The following TCP11L2 variants were observed in gnomAD, a reference collection of about 807,000 sequenced individuals.
TCP11L2 encodes the protein T-complex protein 11-like protein 2.
A neutral mutation model predicts 50.7 loss-of-function variants in TCP11L2; 39 were observed. The ratio of observed to expected loss-of-function variants is 0.77; its 90% CI spans 0.60 to 1.01. TCP11L2 has a LOEUF of 1.01. TCP11L2 is among the 50% of genes least tolerant of loss of function. The pLI is 0.00. For synonymous variants in TCP11L2, 192 were observed against 219.3 expected (o/e 0.88, Z 1.10); for missense variants, 612 against 614.7 (o/e 1.00, Z 0.05).
At chr12:106,329,866 C>CA in intron 6 of TCP11L2, 1 of 985,650 alleles carries the variant, frequency 1.0e-6, no homozygotes, top group Non-Finnish European at 1.2e-6. Context: ...ACTAGCAAAC[C>CA]AAAAACAACA....
rs2036060427 is a variant in TCP11L2 at position 106,340,460 on chromosome 12, A to T, written c.1143-366A>T. Among the ~76,000 whole-genome samples, 3 of 152,314 alleles carry T rather than the reference A, an allele frequency of 2.0e-5. No individual in the cohort carries two copies. In the South Asian group the frequency reaches 6.2e-4, roughly 32 times the overall value. ...ACTTCATTTATCAAGTGCATTTTTT[A>T]AAATGTGTGAATGAATCCACTCAGA... is the stretch of plus-strand genomic sequence containing the variant. On this transcript the variant is annotated intron_variant, in intron 8 of 9. Coordinates refer to ENST00000299045, the MANE Select transcript of TCP11L2 (RefSeq NM_152772.3).
intron 3 of TCP11L2, among the ~76,000 whole-genome samples, 180 bp downstream of exon 3, chr12:106,314,673 A>G (rs2035012142): frequency 6.6e-6 from 1 of 151,730 alleles, no homozygotes; most frequent in Non-Finnish European, 1.5e-5. Flanking sequence ...AGGGGTAAAC[A>G]TTTAGTTCTC....
chr12:106,309,492 T>G (rs1183361694), intron 1 of TCP11L2, among the ~76,000 whole-genome samples: 1 of 151,972 alleles, frequency 6.6e-6, no homozygotes, highest in African/African-American at 2.4e-5. Context: ...GACGGTTGTT[T>G]AGGTGAGGCA....
At chr12:106,315,057 A>G (rs932458162) in intron 3 of TCP11L2, among the ~76,000 whole-genome samples, 27 of 151,212 alleles carry the variant, frequency 1.8e-4, no homozygotes, top group African/African-American at 5.8e-4. Context: ...CAACGTGGTG[A>G]AACCTCACCT....
In TCP11L2 at chr12:106,317,029, C is replaced by T. The variant is rs547696027; in HGVS notation, c.294-1315C>T. 2.0e-4 allele frequency among the ~76,000 whole-genome samples: 30 copies of T among 152,304 alleles called. No individual in the cohort carries two copies. The South Asian group carries it at 5.2e-3, about 26-fold the overall frequency. On this transcript the variant is annotated intron_variant, in intron 3 of 9. Coordinates refer to ENST00000299045, the MANE Select transcript of TCP11L2 (RefSeq NM_152772.3). ...TTGCTGAGACCATACCTGAACCTCA[C>T]ACTTCCCAAGAATAAGAAGGGGGCT... is the stretch of plus-strand genomic sequence containing the variant.
upstream of TCP11L2, among the ~76,000 whole-genome samples, chr12:106,299,278 CG>C (rs1338210258): frequency 6.6e-6 from 1 of 152,030 alleles, no homozygotes; most frequent in Non-Finnish European, 1.5e-5. Flanking sequence ...AAGTTTTTGT[CG>C]TTTTTTGTTT....
At chr12:106,317,559 A>G (rs138800214) in intron 3 of TCP11L2, among the ~76,000 whole-genome samples, 125 of 152,284 alleles carry the variant, frequency 8.2e-4, no homozygotes, top group South Asian at 2.3e-3. Context: ...TTCATTCACC[A>G]TGCATGCATT....
intron 3 of TCP11L2, 41 bp from the exon 4 acceptor site, chr12:106,318,303 G>A: frequency 6.3e-7 from 1 of 1,599,820 alleles, no homozygotes; most frequent in African/African-American, 1.3e-5. Flanking sequence ...TCAGGAAAAA[G>A]TTATGCTTAT....
upstream of TCP11L2, among the ~76,000 whole-genome samples, chr12:106,300,325 T>C (rs905520128): frequency 2.6e-5 from 4 of 152,028 alleles, no homozygotes; most frequent in African/African-American, 9.7e-5. Flanking sequence ...TTTCAAAGTG[T>C]TGTTTTTGTT....
chr12:106,337,410 C>T (rs1235680629), intron 8 of TCP11L2, among the ~76,000 whole-genome samples: 1 of 152,164 alleles, frequency 6.6e-6, no homozygotes, highest in Non-Finnish European at 1.5e-5. Flanking sequence ...TGACCTTTCT[C>T]CTGATTCTGA....
intron 9 of TCP11L2, 34 bp from the exon 10 acceptor site, chr12:106,346,252 T>A: frequency 1.3e-6 from 2 of 1,569,278 alleles, no homozygotes; most frequent in Non-Finnish European, 1.7e-6. Context: ...ACTTTAATAA[T>A]GGACAGATAA....
chr12:106,302,337 GCTCAGCCC>G (rs1194211054), upstream of TCP11L2, among the ~76,000 whole-genome samples: 7 of 5,686 alleles, frequency 1.2e-3, no homozygotes, highest in Non-Finnish European at 2.0e-3. Flanking sequence ...CTCAGCCCCC[GCTCAGCCC>G]CCGCTCAGCC....
At chr12:106,336,802 C>T (rs540508925) in intron 8 of TCP11L2, among the ~76,000 whole-genome samples, 4 of 152,188 alleles carry the variant, frequency 2.6e-5, no homozygotes, top group East Asian at 1.9e-4. Context: ...TCACCCATCT[C>T]GGCCTCCCTA....
intron 4 of TCP11L2, among the ~76,000 whole-genome samples, chr12:106,320,776 T>C (rs556062017): frequency 3.3e-5 from 5 of 152,346 alleles, no homozygotes; most frequent in African/African-American, 1.2e-4. Context: ...GTCATACAGA[T>C]GCACAACAAT....
Position 106,336,209 on chromosome 12 carries a change from A to G in TCP11L2, c.1138A>G (p.Lys380Glu), listed in dbSNP as rs1344985847. ...AGCTGTTCTACTTGAAGGCATGAACAAAGAGTAAGTTCCAAATTTTTGCAT... is the reference window on the plus strand; with the variant it reads ...AGCTGTTCTACTTGAAGGCATGAACGAAGAGTAAGTTCCAAATTTTTGCAT... Reference protein sequence around the residue: ...ISAVLLEGMNKETFNLKEVLN... With the variant: ...ISAVLLEGMNEETFNLKEVLN... Residue 380 changes from lysine (K) to glutamate (E), a missense_variant, in exon 8 of 10, where the codon AAA becomes GAA. Lys to Glu is a moderately conservative substitution (Grantham distance 56, BLOSUM62 1). Coordinates refer to ENST00000299045, the MANE Select transcript of TCP11L2 (RefSeq NM_152772.3). The G allele has an allele frequency of 1.2e-6, 2 of 1,604,378 alleles. No individual in the cohort carries two copies. Among genetic ancestry groups the G allele is most frequent in the African/African-American group, 2.7e-5 (2 of 74,382 alleles).
chr12:106,308,500 C>A (rs529031245), intron 1 of TCP11L2, among the ~76,000 whole-genome samples: 52 of 152,326 alleles, frequency 3.4e-4, no homozygotes, highest in African/African-American at 1.1e-3. Flanking sequence ...TTCATAAATT[C>A]TCATGGCTGG....
chr12:106,343,806 AC>A (rs1447867958), intron 9 of TCP11L2, among the ~76,000 whole-genome samples: 2 of 151,406 alleles, frequency 1.3e-5, no homozygotes, highest in Non-Finnish European at 2.9e-5. Flanking sequence ...ACAGGTGCGG[AC>A]CACCAAGCCC....
At chr12:106,321,395 G>A in intron 4 of TCP11L2, 91 bp from the exon 5 acceptor site, 1 of 1,133,638 alleles carries the variant, frequency 8.8e-7, no homozygotes, top group Non-Finnish European at 1.3e-6. Flanking sequence ...TAAAATGTGG[G>A]CAAAGAGCTT....
In TCP11L2 at chr12:106,336,025, A is replaced by G. The variant is rs2035907273; in HGVS notation, c.961-7A>G. The stretch of plus-strand genomic sequence containing the variant: ...TTCTATTTTTATATTTTAAATAAAT[A>G]TGTTAGACACTTATGACAGATGGAG... On this transcript the variant is annotated splice_polypyrimidine_tract_variant and splice_region_variant and intron_variant, in intron 7 of 9. Coordinates refer to ENST00000299045, the MANE Select transcript of TCP11L2 (RefSeq NM_152772.3). The G allele has an allele frequency of 1.9e-6, 3 of 1,583,018 alleles. No homozygotes were observed. Among genetic ancestry groups the G allele is most frequent in the Middle Eastern group, 1.7e-4 (1 of 5,886 alleles).
Sources: allele counts gnomAD v4.1 joint callset (sites outside exome capture counted in the v4.1 genomes callset), GRCh38; gene constraint gnomAD v4.1.1; transcripts MANE v1.5; gene names NCBI Gene and HGNC (gene_info 2026-07-23, HGNC 2026-07-21).